The following DST variants were observed in gnomAD, a reference collection of about 807,000 sequenced individuals.
DST encodes bullous pemphigoid antigen.
DST carries 253 observed loss-of-function variants against 875.2 expected under a neutral mutation model. That is an observed-to-expected ratio of 0.29 (90% CI 0.26 to 0.32). The LOEUF (loss-of-function observed/expected upper bound fraction) is 0.32, where lower values mean the gene tolerates loss of function less well. DST is among the 10% of genes least tolerant of loss of function. The probability of loss-of-function intolerance (pLI) is 1.00; values close to 1 mark genes in which losing one functional copy is unlikely to be tolerated. For synonymous variants in DST, 3,124 were observed against 3,197.1 expected (o/e 0.98, Z 0.77); for missense variants, 8,287 against 9,111.6 (o/e 0.91, Z 3.68).
At chr6:56,472,364 G>A in intron 93 of DST, 142 bp from the exon 94 acceptor site, 1 of 730,818 alleles carries the variant, frequency 1.4e-6, no homozygotes, top group East Asian at 2.7e-5. Context: ...TTTAGATGAT[G>A]TATAATGTCA....
rs1284789362 is a variant in DST, at chr6:56,520,741, A to G, written c.18130-3121T>C. ...AAAAGAAAATATATTAAATAAAAAA[A>G]ATTTTAAAAGAAAGAAAACCAACTC... is the stretch of plus-strand genomic sequence containing the variant. On this transcript the variant is annotated intron_variant, in intron 69 of 103. Coordinates refer to ENST00000680361, the MANE Select transcript of DST (RefSeq NM_001374736.1). Among the ~76,000 whole-genome samples, 7 of 152,008 alleles carry G rather than the reference A, an allele frequency of 4.6e-5. No homozygotes were observed. In the East Asian group the frequency reaches 1.3e-3, roughly 29 times the overall value.
chr6:56,752,065 C>T (rs1452137375), intron 4 of DST, among the ~76,000 whole-genome samples: 4 of 151,984 alleles, frequency 2.6e-5, no homozygotes, highest in African/African-American at 9.7e-5. Context: ...AAGTGGGTCT[C>T]CAGTATTTCC....
intron 4 of DST, among the ~76,000 whole-genome samples, chr6:56,752,099 T>C (rs533829367): frequency 1.3e-5 from 2 of 152,000 alleles, no homozygotes; most frequent in East Asian, 1.9e-4. Flanking sequence ...TTTTTTTTAA[T>C]GGGCCAGGCT....
intron 4 of DST, among the ~76,000 whole-genome samples, chr6:56,837,064 CAACA>C (rs1040827969): frequency 2.6e-5 from 4 of 152,004 alleles, no homozygotes; most frequent in African/African-American, 9.7e-5. Flanking sequence ...AGAGGATTCA[CAACA>C]AACAGACTGA....
At chr6:56,459,988 T>C (rs1322910589) in intron 103 of DST, 143 bp downstream of exon 103, 2 of 1,002,046 alleles carry the variant, frequency 2.0e-6, no homozygotes, top group Admixed American at 5.9e-5. Context: ...TCCCCAACTT[T>C]TGGAGGACTG....
Position 56,522,094 on chromosome 6 carries a change from A to G in DST, c.18129+4267T>C, listed in dbSNP as rs552707064. Reference sequence around the variant, plus strand: ...AATTTTCTAAAAGTTAGTGCAAGACATTTTAAGTAGCTACATCTAAATATG... The same window carrying G: ...AATTTTCTAAAAGTTAGTGCAAGACGTTTTAAGTAGCTACATCTAAATATG... On this transcript the variant is annotated intron_variant, in intron 69 of 103. Coordinates refer to ENST00000680361, the MANE Select transcript of DST (RefSeq NM_001374736.1). Among the ~76,000 whole-genome samples, 27 of 152,276 alleles carry G rather than the reference A, an allele frequency of 1.8e-4. No individual in the cohort carries two copies. In the East Asian group the frequency reaches 4.1e-3, roughly 23 times the overall value.
chr6:56,487,247 C>A lies in DST; in HGVS notation c.20904G>T (p.Lys6968Asn), dbSNP rs373333745. 5.1e-5 allele frequency: 81 copies of A among 1,579,896 alleles called. No individual in the cohort carries two copies. Among genetic ancestry groups the A allele is most frequent in the Non-Finnish European group, 5.8e-5 (68 of 1,163,892 alleles). Residue 6968 changes from lysine (K) to asparagine (N), a missense_variant, in exon 87 of 104, where the codon AAG becomes AAT. Lys to Asn is a moderately conservative substitution (Grantham distance 94, BLOSUM62 0). Around this residue, in one of 10 missense-constraint regions of DST, gnomAD observed 1,292 missense variants for 1,552.7 expected, o/e 0.83. Coordinates refer to ENST00000680361, the MANE Select transcript of DST (RefSeq NM_001374736.1). ...HKEFQKSLGA[K>N]HSVYDTTNRT... is the part of the protein sequence containing the mutation. ...TGTTGGTGGTGTCGTAGACAGAATG[C>A]TTGGCTCCGAGTGATTTCTGAAACT...
In DST at chr6:56,616,233, T is replaced by A. The variant is rs374413973; in HGVS notation, c.4930-1749A>T. 1.7e-5 allele frequency: 27 copies of A among 1,614,044 alleles called. No individual in the cohort carries two copies. In the East Asian group the frequency reaches 5.3e-4, roughly 32 times the overall value. ...TACTTTTTGACCAAGGCTTTGTCAA[T>A]TGTTCCCTGCTCTATAGCCTCATTA... is the stretch of plus-strand genomic sequence containing the variant. On this transcript the variant is annotated intron_variant, in intron 36 of 103. Transcript: ENST00000680361.
chr6:56,565,569 C>T (rs987893127), intron 55 of DST, among the ~76,000 whole-genome samples: 8 of 152,100 alleles, frequency 5.3e-5, no homozygotes, highest in Admixed American at 3.9e-4. Context: ...AATTTCAGAA[C>T]TTATTGGTTT....
intron 3 of DST, among the ~76,000 whole-genome samples, chr6:56,857,014 CT>C (rs1214133088): frequency 4.0e-3 from 572 of 143,292 alleles, no homozygotes; most frequent in East Asian, 0.012. Context: ...ATAGCAAGGT[CT>C]TTTTTTTTTT....
chr6:56,460,719 C>G (rs7749370), intron 102 of DST: 68,965 of 152,208 alleles, frequency 0.45, 16,662 homozygotes, highest in African/African-American at 0.62. Flanking sequence ...CAGAGACAGA[C>G]ACAGAATGAT....
intron 5 of DST, among the ~76,000 whole-genome samples, chr6:56,709,947 C>G (rs922114892): frequency 6.6e-6 from 1 of 152,052 alleles, no homozygotes; most frequent in African/African-American, 2.4e-5. Flanking sequence ...GTGGTGAAGT[C>G]AATGAAGCAT....
At chr6:56,662,429 A>T (rs763207306) in intron 10 of DST, among the ~76,000 whole-genome samples, 4 of 152,214 alleles carry the variant, frequency 2.6e-5, no homozygotes, top group Non-Finnish European at 5.9e-5. Context: ...CATACAATAG[A>T]ATACCATATG....
At chr6:56,632,165 C>T in intron 28 of DST, 125 bp from the exon 29 acceptor site, 2 of 648,912 alleles carry the variant, frequency 3.1e-6, no homozygotes, top group Non-Finnish European at 5.2e-6. Context: ...TTCCTGTTTT[C>T]ATCACAAACC....
At chr6:56,616,602 T>C in intron 36 of DST, 2 of 1,614,176 alleles carry the variant, frequency 1.2e-6, no homozygotes, top group Non-Finnish European at 1.7e-6. Flanking sequence ...AAAACTCTTG[T>C]GTTGCTGGAT....
intron 3 of DST, among the ~76,000 whole-genome samples, chr6:56,894,031 T>C (rs2127670341): frequency 5.0e-5 from 1 of 19,842 alleles, no homozygotes; most frequent in Non-Finnish European, 9.3e-5. Flanking sequence ...ATCCGATTTC[T>C]CAATTTTTTC....
At position 56,592,287 on chromosome 6, in the gene DST, T is replaced by C. The variant is rs1350109446; in HGVS notation, c.12798A>G (p.Gly4266=). 1.2e-6 allele frequency: 2 copies of C among 1,611,756 alleles called. No homozygotes were observed. Among genetic ancestry groups the C allele is most frequent in the South Asian group, 2.2e-5 (2 of 90,546 alleles). The part of the protein sequence containing the change: ...KYQHYEDASC[G]LLAGLQACEA... ...CACAGGCCTGGAGTCCAGCAAGAAG[T>C]CCACATGAAGCATCTTCATAGTGTT... Residue 4266 remains glycine (G), a synonymous_variant, in exon 49 of 104, where the codon GGA becomes GGG. Coordinates refer to ENST00000680361, the MANE Select transcript of DST (RefSeq NM_001374736.1).
intron 47 of DST, among the ~76,000 whole-genome samples, chr6:56,594,427 C>T (rs1014331539): frequency 9.9e-5 from 15 of 152,260 alleles, no homozygotes; most frequent in African/African-American, 3.1e-4. Context: ...TCTCTATGTA[C>T]TTAATCAGAT....
intron 9 of DST, among the ~76,000 whole-genome samples, chr6:56,685,030 C>T (rs1313961824): frequency 2.2e-5 from 3 of 133,510 alleles, no homozygotes; most frequent in Non-Finnish European, 4.7e-5. Flanking sequence ...TTGCCTCTGG[C>T]ATTATGTTCT....
Sources: gnomAD v4.1 joint callset for allele counts (sites outside exome capture counted in the v4.1 genomes callset) on GRCh38, gnomAD v4.1.1 for gene constraint, gnomAD v4.1.1 regional missense constraint, MANE v1.5 for transcripts, NCBI Gene and HGNC (gene_info 2026-07-23, HGNC 2026-07-21) for gene names.